Variants in DENND5B observed in about 807,000 individuals in gnomAD.
The protein encoded by DENND5B is DENN domain containing 5B.
A neutral mutation model predicts 140.6 loss-of-function variants in DENND5B; 34 were observed. The ratio of observed to expected loss-of-function variants is 0.24; its 90% confidence interval spans 0.18 to 0.32. The LOEUF is 0.32. Among genes scored for constraint, DENND5B ranks in the 10% least tolerant of loss-of-function variants. DENND5B has a pLI of 1.00. For synonymous variants in DENND5B, 551 were observed against 562.1 expected, an observed-to-expected ratio of 0.98 and a Z score of 0.28; for missense variants, 1,142 against 1,560.2, an observed-to-expected ratio of 0.73 and a Z score of 4.52.
intron 8 of DENND5B, among the ~76,000 whole-genome samples, chr12:31,427,257 A>G (rs1370335094): frequency 6.6e-6 from 1 of 152,154 alleles, no homozygotes; most frequent in African/African-American, 2.4e-5. Context: ...AAAAATCACT[A>G]CATGTGTTTA....
chr12:31,555,733 AT>A (rs1949254168), intron 1 of DENND5B, among the ~76,000 whole-genome samples: 1 of 152,014 alleles, frequency 6.6e-6, no homozygotes, highest in Non-Finnish European at 1.5e-5. Context: ...TGTTTACCTA[AT>A]CAAACAACTA....
intron 13 of DENND5B, among the ~76,000 whole-genome samples, chr12:31,409,754 C>A (rs1369724389): frequency 6.6e-6 from 1 of 152,112 alleles, no homozygotes. Context: ...GCTGGGATTA[C>A]AGGCATGAGC....
At chr12:31,416,279 T>C (rs4931491) in intron 11 of DENND5B, among the ~76,000 whole-genome samples, 140,141 of 151,938 alleles carry the variant, frequency 0.92, 65,217 homozygotes, top group East Asian at 0.99. Context: ...TTTTTTTAAA[T>C]ATAGTCTTGC....
chr12:31,464,686 G>A (rs1050944971), intron 3 of DENND5B, among the ~76,000 whole-genome samples: 5 of 151,936 alleles, frequency 3.3e-5, no homozygotes, highest in Non-Finnish European at 5.9e-5. Flanking sequence ...TCAGCCTCCC[G>A]AGTAGCTTGG....
intron 1 of DENND5B, among the ~76,000 whole-genome samples, chr12:31,563,002 C>G (rs1468047197): frequency 6.6e-6 from 1 of 151,326 alleles, no homozygotes; most frequent in Non-Finnish European, 1.5e-5. Flanking sequence ...ACTTTCTGCA[C>G]AATAACTGCA....
chr12:31,397,535 G>A (rs1941539791), intron 17 of DENND5B, among the ~76,000 whole-genome samples: 1 of 90,654 alleles, frequency 1.1e-5, no homozygotes, highest in Non-Finnish European at 2.0e-5. Context: ...GTGACAGAGT[G>A]AGATTCCATC....
At position 31,545,950 on chromosome 12, in the gene DENND5B, C is replaced by CAAAAAAAAA. The variant is rs57460264; in HGVS notation, c.127+44747_127+44755dup. Among the ~76,000 whole-genome samples the CAAAAAAAAA allele has an allele frequency of 2.6e-3, 93 of 36,384 alleles. 14 individuals are homozygous for CAAAAAAAAA. The highest frequency in any genetic ancestry group is 0.01 in the African/African-American group (71 of 6,946). The allele number at this position is 36,384 out of a possible 152,430, so 23.9% of individuals were successfully genotyped here. ...TGGGTGAGAGAGTAAGACACTGTCT[C>CAAAAAAAAA]AAAAAAAAAAAAAAAAAAAAAGTGG... On this transcript the variant is annotated intron_variant, in intron 1 of 20. Transcript: ENST00000389082.
At chr12:31,447,494 C>T (rs375125437) in intron 6 of DENND5B, 44 bp downstream of exon 6, 178 of 1,528,808 alleles carry the variant, frequency 1.2e-4, no homozygotes, top group Non-Finnish European at 1.5e-4. Context: ...GGGAAAAAAG[C>T]GATAATGGAT....
chr12:31,576,102 C>T (rs1950004857), intron 1 of DENND5B, among the ~76,000 whole-genome samples: 2 of 148,282 alleles, frequency 1.3e-5, no homozygotes, highest in Admixed American at 1.4e-4. Context: ...GACTGTGCCA[C>T]TGCACTCCAG....
At chr12:31,494,221 T>TA (rs3034051) in intron 2 of DENND5B, among the ~76,000 whole-genome samples, 3 of 106,494 alleles carry the variant, frequency 2.8e-5, no homozygotes, top group Non-Finnish European at 6.1e-5. Context: ...CCTACCTACC[T>TA]CTACCTACCT....
At chr12:31,578,060 G>C (rs1347359985) in intron 1 of DENND5B, among the ~76,000 whole-genome samples, 3 of 148,796 alleles carry the variant, frequency 2.0e-5, no homozygotes, top group Non-Finnish European at 4.4e-5. Context: ...CCAGAAAGTG[G>C]AGACTGAAGT....
chr12:31,499,215 T>C (rs1469187768), intron 1 of DENND5B, among the ~76,000 whole-genome samples: 1 of 152,104 alleles, frequency 6.6e-6, no homozygotes, highest in Non-Finnish European at 1.5e-5. Flanking sequence ...TACATAAGCA[T>C]CCTGTACTTA....
intron 4 of DENND5B, among the ~76,000 whole-genome samples, chr12:31,458,851 T>C (rs551661937): frequency 6.6e-6 from 1 of 152,290 alleles, no homozygotes; most frequent in African/African-American, 2.4e-5. Context: ...TGTAAAAGGC[T>C]GTGGCACACT....
chr12:31,417,105 C>T (rs1285889274), intron 11 of DENND5B, among the ~76,000 whole-genome samples: 1 of 148,744 alleles, frequency 6.7e-6, no homozygotes, highest in Non-Finnish European at 1.5e-5. Context: ...ACCTGTAATC[C>T]CAGCACTTTG....
chr12:31,579,713 T>G (rs1287706494), intron 1 of DENND5B, among the ~76,000 whole-genome samples: 12 of 93,426 alleles, frequency 1.3e-4, no homozygotes, highest in African/African-American at 2.2e-4. Flanking sequence ...AGAGAAAGAG[T>G]GAGAGAAAGA....
intron 1 of DENND5B, among the ~76,000 whole-genome samples, chr12:31,581,338 T>C (rs1950202619): frequency 6.6e-6 from 1 of 152,014 alleles, no homozygotes; most frequent in South Asian, 2.1e-4. Flanking sequence ...TCCTTAAAAG[T>C]CCATGTAGAT....
At chr12:31,580,195 C>G (rs1158682331) in intron 1 of DENND5B, among the ~76,000 whole-genome samples, 3 of 151,752 alleles carry the variant, frequency 2.0e-5, no homozygotes, top group South Asian at 4.2e-4. Context: ...TCACTTGGCA[C>G]TAGTTTATAA....
At chr12:31,521,122 T>G (rs990266670) in intron 1 of DENND5B, among the ~76,000 whole-genome samples, 2 of 151,850 alleles carry the variant, frequency 1.3e-5, no homozygotes, top group East Asian at 3.9e-4. Context: ...TTTTTTAATT[T>G]CATCATAAGG....
intron 3 of DENND5B, among the ~76,000 whole-genome samples, chr12:31,465,996 A>G (rs1234092582): frequency 6.6e-6 from 1 of 152,208 alleles, no homozygotes; most frequent in Non-Finnish European, 1.5e-5. Flanking sequence ...AACACAGGTA[A>G]AGAGAGAATT....
Sources: gnomAD v4.1 joint callset for allele counts (sites outside exome capture counted in the v4.1 genomes callset) on GRCh38, gnomAD v4.1.1 for gene constraint, MANE v1.5 for transcripts, NCBI Gene and HGNC (gene_info 2026-07-23, HGNC 2026-07-21) for gene names.